The following EDNRB variants were observed in gnomAD, a reference collection of about 807,000 sequenced individuals.
EDNRB encodes endothelin receptor type B, also known as Hirschsprung disease 2.
A neutral mutation model predicts 46.4 loss-of-function variants in EDNRB; 18 were observed. The ratio of observed to expected loss-of-function variants is 0.39; its 90% confidence interval spans 0.27 to 0.57. The LOEUF is 0.57. EDNRB is among the 20% of genes least tolerant of loss of function. The pLI, the probability that EDNRB is intolerant of heterozygous loss-of-function variation, is 0.61. For missense variants in EDNRB, 434 were observed against 537.5 expected (o/e 0.81, Z 1.90); for synonymous variants, 213 against 204.9 (o/e 1.04, Z -0.34).
At chr13:77,923,960 T>C (rs1235127280), upstream of EDNRB, among the ~76,000 whole-genome samples, 2 of 152,192 alleles carry the variant, frequency 1.3e-5, no homozygotes, top group African/African-American at 4.8e-5. Context: ...GCTCTGGTAA[T>C]GGAAATACCT....
intron 1 of EDNRB, among the ~76,000 whole-genome samples, chr13:77,934,691 G>T (rs945890850): frequency 1.2e-4 from 17 of 137,204 alleles, no homozygotes; most frequent in African/African-American, 3.7e-4. Context: ...GGGGGGGGGG[G>T]CCTGAATAGT....
chr13:77,908,425 C>CA (rs1879400877), intron 1 of EDNRB, among the ~76,000 whole-genome samples: 1 of 21,994 alleles, frequency 4.5e-5, no homozygotes. Context: ...TGAAGTTTTG[C>CA]CAAAAAAAAA....
intron 1 of EDNRB, among the ~76,000 whole-genome samples, chr13:77,970,588 TTTATTA>T (rs1317346981): frequency 6.6e-6 from 1 of 152,014 alleles, no homozygotes; most frequent in Non-Finnish European, 1.5e-5. Flanking sequence ...TATTATCTTT[TTTATTA>T]TTATTATTAT....
intron 1 of EDNRB, among the ~76,000 whole-genome samples, chr13:77,932,677 C>A (rs938972796): frequency 1.3e-5 from 2 of 152,186 alleles, no homozygotes; most frequent in Non-Finnish European, 2.9e-5. Flanking sequence ...CCAGTCATAG[C>A]TTCTTTGCCT....
intron 1 of EDNRB, among the ~76,000 whole-genome samples, chr13:77,907,814 G>A (rs900733611): frequency 6.6e-6 from 1 of 151,600 alleles, no homozygotes; most frequent in Non-Finnish European, 1.5e-5. Context: ...CATTGTTTTT[G>A]GCTCAGCCTA....
intron 1 of EDNRB, among the ~76,000 whole-genome samples, chr13:77,906,225 G>T (rs1566309348): frequency 6.6e-6 from 1 of 151,958 alleles, no homozygotes; most frequent in African/African-American, 2.4e-5. Context: ...GGGAGACTCA[G>T]TGCACCACAG....
At chr13:77,907,156 C>T (rs1296549522) in intron 1 of EDNRB, among the ~76,000 whole-genome samples, 2 of 151,946 alleles carry the variant, frequency 1.3e-5, no homozygotes, top group African/African-American at 4.8e-5. Context: ...CTCAATTAAA[C>T]ATTCTCTATT....
At chr13:77,926,835 A>G (rs1247719367) in intron 1 of EDNRB, among the ~76,000 whole-genome samples, 6 of 152,250 alleles carry the variant, frequency 3.9e-5, no homozygotes, top group Admixed American at 3.9e-4. Context: ...AATTGGACTT[A>G]AAGTTCTACA....
At chr13:77,920,022 A>G (rs1198350634), upstream of EDNRB, 1 of 162,864 alleles carries the variant, frequency 6.1e-6, no homozygotes, top group African/African-American at 2.4e-5. Flanking sequence ...CATTAACCCC[A>G]ACACGGAACA....
At chr13:77,968,351 A>G (rs1331266689) in intron 1 of EDNRB, among the ~76,000 whole-genome samples, 1 of 152,168 alleles carries the variant, frequency 6.6e-6, no homozygotes, top group Non-Finnish European at 1.5e-5. Flanking sequence ...TTATATGTTT[A>G]CTTCATAAAG....
At chr13:77,956,267 T>C (rs191454125) in intron 1 of EDNRB, among the ~76,000 whole-genome samples, 1 of 152,360 alleles carries the variant, frequency 6.6e-6, no homozygotes, top group Non-Finnish European at 1.5e-5. Context: ...CTAACTTTTT[T>C]TTTGATGTTA....
intron 1 of EDNRB, among the ~76,000 whole-genome samples, chr13:77,954,417 GATA>G (rs1881175160): frequency 6.6e-6 from 1 of 151,950 alleles, no homozygotes; most frequent in African/African-American, 2.4e-5. Flanking sequence ...TCTCACTTGG[GATA>G]ATGTCTTCCA....
intron 1 of EDNRB, among the ~76,000 whole-genome samples, chr13:77,917,096 C>T (rs12720169): frequency 0.03 from 4,567 of 152,148 alleles, 217 homozygotes; most frequent in African/African-American, 0.1. Context: ...ATGTTAACTA[C>T]CGAAACCCTT....
intron 1 of EDNRB, among the ~76,000 whole-genome samples, chr13:77,951,527 A>C (rs1320192831): frequency 1.3e-5 from 2 of 152,194 alleles, no homozygotes; most frequent in Admixed American, 1.3e-4. Flanking sequence ...GGAGAAGAAT[A>C]AGTTCAAATA....
intron 1 of EDNRB, among the ~76,000 whole-genome samples, chr13:77,970,864 TG>T (rs1881708714): frequency 6.6e-6 from 1 of 152,144 alleles, no homozygotes; most frequent in Admixed American, 6.5e-5. Flanking sequence ...ATGTATACAC[TG>T]GGAACAGCCC....
chr13:77,959,514 G>A (rs2137682842), intron 1 of EDNRB, among the ~76,000 whole-genome samples: 1 of 152,238 alleles, frequency 6.6e-6, no homozygotes, highest in South Asian at 2.1e-4. Context: ...CAAACAGAAA[G>A]GACATCCACA....
chr13:77,974,597 CT>C, intron 1 of EDNRB, among the ~76,000 whole-genome samples: 1 of 108,040 alleles, frequency 9.3e-6, no homozygotes, highest in East Asian at 3.1e-4. Context: ...TCTTCTCTGT[CT>C]CTCTCTCTCC....
At chr13:77,916,370 T>C (rs1279710993) in intron 1 of EDNRB, among the ~76,000 whole-genome samples, 1 of 152,202 alleles carries the variant, frequency 6.6e-6, no homozygotes, top group Non-Finnish European at 1.5e-5. Context: ...CCTTAAGAAG[T>C]AAAAGGGTCA....
chr13:77,971,293 C>T (rs4884080), intron 1 of EDNRB, among the ~76,000 whole-genome samples: 37,728 of 152,036 alleles, frequency 0.25, 5,829 homozygotes, highest in East Asian at 0.54. Flanking sequence ...TGATGTCCTT[C>T]GGTATTTATT....
Sources: allele counts gnomAD v4.1 joint callset (sites outside exome capture counted in the v4.1 genomes callset), GRCh38; gene constraint gnomAD v4.1.1; transcripts MANE v1.5; gene names NCBI Gene and HGNC (gene_info 2026-07-23, HGNC 2026-07-21).